Variants in ING3 observed in about 807,000 individuals in gnomAD.
ING3 encodes the protein inhibitor of growth protein 3.
Under a neutral mutation model 64.8 loss-of-function variants are expected in ING3, and 6 were observed. The observed-to-expected ratio is 0.09, with a 90% confidence interval of 0.05 to 0.18. ING3 has a LOEUF of 0.18. Ranked by LOEUF, ING3 falls within the 10% of genes least tolerant of loss-of-function variation. The pLI, the probability that ING3 is intolerant of heterozygous loss-of-function variation, is 1.00. For synonymous variants in ING3, 170 were observed against 173.7 expected (o/e 0.98, Z 0.17); for missense variants, 310 against 489.7 (o/e 0.63, Z 3.46).
At chr7:120,952,565 G>A (rs1367087825) in intron 2 of ING3, among the ~76,000 whole-genome samples, 1 of 152,008 alleles carries the variant, frequency 6.6e-6, no homozygotes, top group Non-Finnish European at 1.5e-5. Flanking sequence ...TAGGTATTAT[G>A]GATTAACAGA....
intron 9 of ING3, among the ~76,000 whole-genome samples, chr7:120,970,012 T>C (rs1391015934): frequency 6.6e-6 from 1 of 152,236 alleles, no homozygotes; most frequent in Non-Finnish European, 1.5e-5. Flanking sequence ...AGCATAGGGC[T>C]TAGCAGTAAA....
At chr7:120,968,947 A>G in intron 8 of ING3, 64 bp from the exon 9 acceptor site, 1 of 1,068,536 alleles carries the variant, frequency 9.4e-7, no homozygotes, top group South Asian at 1.8e-5. Context: ...ATAATTTGTA[A>G]AACTTGAAAA....
At chr7:120,966,597 G>A (rs1374074851) in intron 5 of ING3, 29 bp from the exon 6 acceptor site, 7 of 1,530,072 alleles carry the variant, frequency 4.6e-6, no homozygotes, top group Admixed American at 1.7e-5. Context: ...ATTTAATGGT[G>A]GTGTATCTCT....
chr7:120,955,237 T>C (rs1221644426), intron 3 of ING3, among the ~76,000 whole-genome samples: 1 of 152,190 alleles, frequency 6.6e-6, no homozygotes, highest in Admixed American at 6.5e-5. Context: ...CAAGCACTTC[T>C]TGTGCCTCAA....
At chr7:120,973,152 T>A (rs1796091032) in intron 10 of ING3, 53 bp from the exon 11 acceptor site, 1 of 929,788 alleles carries the variant, frequency 1.1e-6, no homozygotes, top group South Asian at 1.3e-5. Context: ...TTAATTGGTA[T>A]CTAGGTGTTT....
chr7:120,960,691 G>T (rs1399957093), intron 4 of ING3, among the ~76,000 whole-genome samples: 1 of 152,084 alleles, frequency 6.6e-6, no homozygotes, highest in African/African-American at 2.4e-5. Flanking sequence ...TATCAATGAA[G>T]AAATTTGTTT....
chr7:120,951,259 C>G (rs1318917289), intron 2 of ING3, 24 bp downstream of exon 2: 8 of 1,611,074 alleles, frequency 5.0e-6, no homozygotes, highest in Non-Finnish European at 5.9e-6. Flanking sequence ...TCTACTACTC[C>G]TGTTCGCTGC....
chr7:120,973,195 T>G lies in ING3; in HGVS notation c.1102-10T>G, dbSNP rs1193002931. 6.8e-7 allele frequency: 1 copy of G among 1,480,286 alleles called. No homozygotes were observed. Among genetic ancestry groups the G allele is most frequent in the Non-Finnish European group, 9.4e-7 (1 of 1,061,014 alleles). The allele number at this position is 1,480,286 out of a possible 1,614,324, so 91.7% of individuals were successfully genotyped here. A position where few individuals can be genotyped will look rare whatever the true frequency, so the allele number is the denominator to read the frequency against. ...AGTCATAATAAAGACATTTAATTTT[T>G]TTTAACTAGGTATCTTATGGTGAGA... is the stretch of plus-strand genomic sequence containing the variant. On this transcript the variant is annotated splice_polypyrimidine_tract_variant and intron_variant, in intron 10 of 11. Transcript: ENST00000315870.
At position 120,967,571 on chromosome 7, in the gene ING3, A is replaced by G; in HGVS notation, c.479A>G (p.His160Arg). The change falls in exon 7 of 12, where the codon CAT (histidine) becomes CGT (arginine). Residue 160 changes from histidine to arginine, a missense_variant. Coordinates refer to ENST00000315870, the MANE Select transcript of ING3 (RefSeq NM_019071.3). Reference sequence around the variant, plus strand: ...ACTTCTCACCATACGACAACAGATCATATTCCTGAAAAGAAATTTAAATCT... The same window carrying G: ...ACTTCTCACCATACGACAACAGATCGTATTCCTGAAAAGAAATTTAAATCT... ...NPTSHHTTTDHIPEKKFKSEA... is the reference protein window; with the variant it reads ...NPTSHHTTTDRIPEKKFKSEA... 6.3e-7 allele frequency: 1 copy of G among 1,593,818 alleles called. No individual in the cohort carries two copies. The highest frequency in any genetic ancestry group is 1.3e-5 in the African/African-American group (1 of 74,598).
chr7:120,957,385 A>G (rs1224402498), intron 4 of ING3, among the ~76,000 whole-genome samples: 1 of 152,106 alleles, frequency 6.6e-6, no homozygotes, highest in Admixed American at 6.5e-5. Context: ...AAAAAAAAAA[A>G]AAGTAATACT....
chr7:120,955,820 TGAG>T, intron 4 of ING3, 196 bp downstream of exon 4: 1 of 597,148 alleles, frequency 1.7e-6, no homozygotes, highest in Non-Finnish European at 3.0e-6. Context: ...GTTAATGTGG[TGAG>T]AACTGTACAT....
intron 4 of ING3, among the ~76,000 whole-genome samples, chr7:120,961,270 C>T (rs1217553260): frequency 6.6e-6 from 1 of 152,088 alleles, no homozygotes; most frequent in African/African-American, 2.4e-5. Context: ...TTTTCATGAC[C>T]TGTTATCTGA....
chr7:120,962,291 C>G (rs917182264), intron 4 of ING3, among the ~76,000 whole-genome samples: 1 of 152,062 alleles, frequency 6.6e-6, no homozygotes, highest in Non-Finnish European at 1.5e-5. Context: ...GTCATAATCT[C>G]TTTTACATAT....
At chr7:120,955,830 A>T (rs1024020182) in intron 4 of ING3, 113 of 586,574 alleles carry the variant, frequency 1.9e-4, no homozygotes, top group Non-Finnish European at 3.0e-4. Flanking sequence ...TGAGAACTGT[A>T]CATTTTAGCA....
At chr7:120,962,050 GT>G (rs1222592140) in intron 4 of ING3, among the ~76,000 whole-genome samples, 1 of 152,174 alleles carries the variant, frequency 6.6e-6, no homozygotes, top group East Asian at 1.9e-4. Context: ...AAGAGGTGCT[GT>G]AACCGTTCAG....
At chr7:120,959,068 C>A (rs1795894081) in intron 4 of ING3, among the ~76,000 whole-genome samples, 1 of 152,156 alleles carries the variant, frequency 6.6e-6, no homozygotes, top group Admixed American at 6.5e-5. Context: ...CCTTGTATTA[C>A]CATGTGACTG....
chr7:120,969,125 T>G lies in ING3; in HGVS notation c.829T>G (p.Ser277Ala). The change falls in exon 9 of 12, where the codon TCA (serine) becomes GCA (alanine). Residue 277 changes from serine (S) to alanine (A), a missense_variant. By Grantham distance (99) the Ser-to-Ala change is moderately conservative. Transcript: ENST00000315870. Reference protein sequence around the residue: ...SMARETVGYSSSSALMTTLTQ... With the variant: ...SMARETVGYSASSALMTTLTQ... The stretch of plus-strand genomic sequence containing the variant: ...GGCCAGGGAAACAGTTGGCTATTCA[T>G]CATCTTCGGCACTTATGACAACATT... 1 of 1,614,134 alleles carries G rather than the reference T, an allele frequency of 6.2e-7. No individual in the cohort carries two copies. Among genetic ancestry groups the G allele is most frequent in the Non-Finnish European group, 8.5e-7 (1 of 1,179,982 alleles).
rs117447832 is a variant in ING3 at position 120,953,608 on chromosome 7, A to T, written c.201+204A>T. 9.9e-3 allele frequency among the ~76,000 whole-genome samples: 1,503 copies of T among 152,326 alleles called. 16 individuals are homozygous for T. The highest frequency in any genetic ancestry group is 0.015 in the Non-Finnish European group (1,032 of 68,024). On this transcript the variant is annotated intron_variant, in intron 3 of 11. Transcript: ENST00000315870. ...TTTTGGTAATTAAAAATATTGTTTC[A>T]ATAATTACTGAGTATTAGAAAGTGA...
rs1467507318 is a variant in ING3 at position 120,967,984 on chromosome 7, A to T, written c.607A>T (p.Asn203Tyr). 6.2e-7 allele frequency: 1 copy of T among 1,614,138 alleles called. No individual in the cohort carries two copies. The highest frequency in any genetic ancestry group is 2.2e-5 in the East Asian group (1 of 44,866). Residue 203 changes from asparagine to tyrosine, a missense_variant, in exon 8 of 12, where the codon AAT becomes TAT. Around this residue, in one of 3 missense-constraint regions of ING3, gnomAD observed 233 missense variants for 289.4 expected, o/e 0.81. Coordinates refer to ENST00000315870, the MANE Select transcript of ING3 (RefSeq NM_019071.3). ...TASSNNAYNV[N>Y]SSQPLGSYNI... ...CTCTTCTAACAATGCCTACAATGTG[A>T]ATTCCTCCCAACCTCTGGGATCCTA...
Sources: gnomAD v4.1 joint callset for allele counts (sites outside exome capture counted in the v4.1 genomes callset) on GRCh38, gnomAD v4.1.1 for gene constraint, gnomAD v4.1.1 regional missense constraint, MANE v1.5 for transcripts, NCBI Gene and HGNC (gene_info 2026-07-23, HGNC 2026-07-21) for gene names.